The following NEBL variants were observed in gnomAD, a reference collection of about 807,000 sequenced individuals.
The protein encoded by NEBL is LIM and SH3 protein 2.
A neutral mutation model predicts 140.2 loss-of-function variants in NEBL; 122 were observed. The observed-to-expected ratio is 0.87, with a 90% CI of 0.75 to 1.01. The LOEUF (loss-of-function observed/expected upper bound fraction) is 1.01, where lower values mean the gene tolerates loss of function less well. Ranked by LOEUF, NEBL falls within the 50% of genes least tolerant of loss-of-function variation. The pLI is 0.00. For missense variants in NEBL, 1,365 were observed against 1,231.3 expected, an observed-to-expected ratio of 1.11 and a Z score of -1.62; for synonymous variants, 436 against 398.9, an observed-to-expected ratio of 1.09 and a Z score of -1.11.
chr10:21,194,810 C>T (rs966546352), intron 3 of NEBL, among the ~76,000 whole-genome samples: 9 of 151,930 alleles, frequency 5.9e-5, no homozygotes, highest in Non-Finnish European at 1.2e-4. Flanking sequence ...CGCCCCGCCG[C>T]CCTGACCCCC....
At chr10:20,900,972 C>T (rs1420412103), upstream of NEBL, among the ~76,000 whole-genome samples, 1 of 151,922 alleles carries the variant, frequency 6.6e-6, no homozygotes, top group African/African-American at 2.4e-5. Flanking sequence ...GAGCCAAGAT[C>T]GCGCCACTGC....
intron 4 of NEBL, among the ~76,000 whole-genome samples, chr10:20,935,040 A>G (rs1404620482): frequency 1.3e-5 from 2 of 152,202 alleles, no homozygotes; most frequent in African/African-American, 2.4e-5. Flanking sequence ...CTGAAGGCCA[A>G]TACATGCCAG....
In NEBL at chr10:21,251,710, A is replaced by T. The variant is rs563719195; in HGVS notation, n.279+22T>A. Among the ~76,000 whole-genome samples the T allele has an allele frequency of 1.2e-3, 189 of 152,276 alleles. 9 individuals are homozygous for T. In the South Asian group the frequency reaches 0.038, roughly 31 times the overall value. Reference sequence around the variant, plus strand: ...AACGGGATTAACACCCCTATAAAAAAGGCCCCAGAGAAACCCCTTACCCCT... The same window carrying T: ...AACGGGATTAACACCCCTATAAAAATGGCCCCAGAGAAACCCCTTACCCCT... On this transcript the variant is annotated intron_variant and non_coding_transcript_variant, in intron 2 of 8. Transcript: ENST00000675702.
At chr10:20,794,154 G>A (rs559138680) in intron 26 of NEBL, among the ~76,000 whole-genome samples, 1 of 152,330 alleles carries the variant, frequency 6.6e-6, no homozygotes, top group South Asian at 2.1e-4. Context: ...AGTGCCACGA[G>A]GCGAGGGGAA....
intron 2 of NEBL, among the ~76,000 whole-genome samples, chr10:21,050,957 T>G (rs1019922213): frequency 2.0e-5 from 3 of 152,210 alleles, no homozygotes; most frequent in Non-Finnish European, 4.4e-5. Flanking sequence ...TTTTGCCTAT[T>G]GACTTTGCAC....
At chr10:20,959,394 C>G (rs1329917283) in intron 4 of NEBL, among the ~76,000 whole-genome samples, 6 of 152,198 alleles carry the variant, frequency 3.9e-5, no homozygotes, top group Middle Eastern at 3.4e-3. Flanking sequence ...CAGACACAAT[C>G]CAGCCACTGT....
exon 1 of NEBL, chr10:21,174,047 C>A: frequency 1.8e-6 from 2 of 1,123,786 alleles, no homozygotes; most frequent in East Asian, 1.0e-4. Flanking sequence ...GGCTCGCAGG[C>A]GCTGGGTCTC....
chr10:21,058,952 T>C (rs1017547292), intron 2 of NEBL, among the ~76,000 whole-genome samples: 1 of 152,228 alleles, frequency 6.6e-6, no homozygotes, highest in African/African-American at 2.4e-5. Flanking sequence ...TTGATTTTCT[T>C]TCTTGATCTG....
At chr10:20,937,478 T>C (rs1236635474) in intron 4 of NEBL, among the ~76,000 whole-genome samples, 2 of 152,130 alleles carry the variant, frequency 1.3e-5, no homozygotes, top group Non-Finnish European at 2.9e-5. Context: ...GATGGTCGAA[T>C]AGGAACAGCT....
chr10:21,185,583 C>G (rs1841452875), intron 3 of NEBL, among the ~76,000 whole-genome samples: 1 of 144,132 alleles, frequency 6.9e-6, no homozygotes, highest in South Asian at 2.3e-4. Context: ...CCACAACCCT[C>G]CATCTCCCAG....
intron 3 of NEBL, among the ~76,000 whole-genome samples, chr10:21,214,595 A>G (rs1020655069): frequency 4.0e-5 from 6 of 150,692 alleles, no homozygotes; most frequent in East Asian, 2.0e-4. Context: ...CATTACACAC[A>G]CATATACACA....
intron 1 of NEBL, among the ~76,000 whole-genome samples, chr10:21,280,234 C>T (rs1842975809): frequency 6.6e-6 from 1 of 152,106 alleles, no homozygotes; most frequent in Admixed American, 6.5e-5. Flanking sequence ...GCCGAAGTCA[C>T]ATGACCATCT....
At chr10:21,141,048 A>C (rs1839607487) in intron 2 of NEBL, among the ~76,000 whole-genome samples, 1 of 135,086 alleles carries the variant, frequency 7.4e-6, no homozygotes, top group Non-Finnish European at 1.5e-5. Context: ...ATATAAAACA[A>C]GAGGTATTCG....
intron 3 of NEBL, among the ~76,000 whole-genome samples, chr10:21,213,200 A>C (rs1379565128): frequency 2.0e-5 from 3 of 152,242 alleles, no homozygotes; most frequent in Non-Finnish European, 4.4e-5. Flanking sequence ...CAAAGAATGC[A>C]GAAAAAGATA....
intron 2 of NEBL, among the ~76,000 whole-genome samples, chr10:21,167,369 T>C (rs1840822605): frequency 6.6e-6 from 1 of 152,238 alleles, no homozygotes; most frequent in Non-Finnish European, 1.5e-5. Context: ...ATACAAGGTA[T>C]AGTAAATGTA....
Position 21,173,400 on chromosome 10 carries a change from G to A in NEBL, c.69+365C>T, listed in dbSNP as rs1033677319. ...GCGGATCTGTGGGGCGGGGGGCGGG[G>A]GTATTGTGGAACACGAGTGGAGGTG... On this transcript the variant is annotated intron_variant, in intron 1 of 6. Transcript: ENST00000417816. The surrounding 1 kb of genome is among the most constrained non-coding windows in gnomAD (Gnocchi z 5.7). Among the ~76,000 whole-genome samples, 3 of 147,144 alleles carry A rather than the reference G, an allele frequency of 2.0e-5. No individual in the cohort carries two copies. The highest frequency in any genetic ancestry group is 4.3e-4 in the East Asian group (2 of 4,638).
chr10:21,072,982 C>G (rs537925828), intron 2 of NEBL, among the ~76,000 whole-genome samples: 2 of 152,158 alleles, frequency 1.3e-5, no homozygotes, highest in East Asian at 3.9e-4. Context: ...TAGACTATGA[C>G]TCTGTCTCAG....
At chr10:20,796,200 C>G (rs565877169) in intron 26 of NEBL, among the ~76,000 whole-genome samples, 5 of 151,682 alleles carry the variant, frequency 3.3e-5, no homozygotes, top group African/African-American at 1.2e-4. Context: ...CACACCTCTA[C>G]TAAAATACAA....
chr10:20,868,237 T>G (rs1844522436), intron 7 of NEBL: 1 of 155,400 alleles, frequency 6.4e-6, no homozygotes, highest in Admixed American at 6.4e-5. Context: ...TTCATCTCCC[T>G]TTTTAAATTT....
Sources: allele counts gnomAD v4.1 joint callset (sites outside exome capture counted in the v4.1 genomes callset), GRCh38; gene constraint gnomAD v4.1.1; non-coding constraint Gnocchi (gnomAD v3.1); transcripts MANE v1.5; gene names NCBI Gene and HGNC (gene_info 2026-07-23, HGNC 2026-07-21).